The following CNTNAP2 variants were observed in gnomAD, a reference collection of about 807,000 sequenced individuals.
CNTNAP2 encodes contactin-associated protein-like 2.
In CNTNAP2, 98 loss-of-function variants were observed where a neutral mutation model predicts 155.2. The observed-to-expected ratio is 0.63, with a 90% CI of 0.54 to 0.75. The LOEUF (loss-of-function observed/expected upper bound fraction) is 0.75, where lower values mean the gene tolerates loss of function less well. Ranked by LOEUF, CNTNAP2 falls within the 30% of genes least tolerant of loss-of-function variation. The pLI is 0.00. For synonymous variants in CNTNAP2, 651 were observed against 631.2 expected (o/e 1.03, Z -0.47); for missense variants, 1,727 against 1,688.1 (o/e 1.02, Z -0.40).
intron 1 of CNTNAP2, among the ~76,000 whole-genome samples, chr7:146,755,812 A>G (rs1002383223): frequency 2.0e-5 from 3 of 151,998 alleles, no homozygotes; most frequent in Non-Finnish European, 4.4e-5. Context: ...ACACTGTACT[A>G]TAGATGTTCC....
intron 1 of CNTNAP2, among the ~76,000 whole-genome samples, chr7:146,674,778 G>T (rs1457795741): frequency 6.6e-6 from 1 of 152,136 alleles, no homozygotes; most frequent in Non-Finnish European, 1.5e-5. Flanking sequence ...GCCGGAGTAG[G>T]TTGTGGGAAA....
chr7:146,950,464 GC>G (rs1563017372), intron 3 of CNTNAP2, among the ~76,000 whole-genome samples: 1 of 151,834 alleles, frequency 6.6e-6, no homozygotes, highest in Non-Finnish European at 1.5e-5. Context: ...CCACCAACAG[GC>G]ACCGATGTGT....
intron 13 of CNTNAP2, among the ~76,000 whole-genome samples, chr7:147,891,240 T>A (rs1799688002): frequency 6.6e-6 from 1 of 151,742 alleles, no homozygotes; most frequent in African/African-American, 2.4e-5. Flanking sequence ...AGTCTCACTC[T>A]GTCGCCCAGG....
At chr7:148,287,943 C>T (rs1797113175) in intron 21 of CNTNAP2, among the ~76,000 whole-genome samples, 1 of 151,622 alleles carries the variant, frequency 6.6e-6, no homozygotes, top group Non-Finnish European at 1.5e-5. Context: ...AGGCACGTGC[C>T]ACCACGCCCA....
At chr7:146,342,845 C>A (rs1794752427) in intron 1 of CNTNAP2, among the ~76,000 whole-genome samples, 1 of 152,152 alleles carries the variant, frequency 6.6e-6, no homozygotes, top group Non-Finnish European at 1.5e-5. Flanking sequence ...GATATTATTT[C>A]TCTATTATTC....
At chr7:146,233,134 A>G (rs1034251103) in intron 1 of CNTNAP2, among the ~76,000 whole-genome samples, 2 of 152,128 alleles carry the variant, frequency 1.3e-5, no homozygotes, top group Non-Finnish European at 2.9e-5. Context: ...AGCACTAACT[A>G]GAAATGTATT....
At chr7:146,249,809 C>T (rs1439892612) in intron 1 of CNTNAP2, among the ~76,000 whole-genome samples, 4 of 151,516 alleles carry the variant, frequency 2.6e-5, no homozygotes, top group South Asian at 2.1e-4. Flanking sequence ...TTTCCTTGGC[C>T]GTTCATTAGA....
At chr7:147,167,686 G>A (rs760626469) in intron 8 of CNTNAP2, 12 of 330,708 alleles carry the variant, frequency 3.6e-5, no homozygotes, top group Non-Finnish European at 4.9e-5. Context: ...GCTAGGTGGG[G>A]CATGTGGTTC....
intron 1 of CNTNAP2, among the ~76,000 whole-genome samples, chr7:146,630,463 T>C (rs1194907862): frequency 6.6e-6 from 1 of 152,120 alleles, no homozygotes; most frequent in Non-Finnish European, 1.5e-5. Flanking sequence ...TGTGTCTTTA[T>C]AGTAGAATGA....
intron 5 of CNTNAP2, among the ~76,000 whole-genome samples, chr7:147,110,377 A>T (rs527742434): frequency 5.8e-4 from 84 of 144,442 alleles, no homozygotes; most frequent in South Asian, 3.9e-3. Flanking sequence ...TTTTTTTTTT[A>T]AATTTAAGTT....
In CNTNAP2 at chr7:146,806,993, C is replaced by T. The variant is rs76577340; in HGVS notation, c.208+32612C>T. ...AATGTTTGGAACAATGCTTGGCAAA[C>T]GAAAGCAACATAAGACTGCCCCTTA... On this transcript the variant is annotated intron_variant, in intron 2 of 23. Coordinates refer to ENST00000361727, the MANE Select transcript of CNTNAP2 (RefSeq NM_014141.6). Among the ~76,000 whole-genome samples, 158 of 152,090 alleles carry T rather than the reference C, an allele frequency of 1.0e-3. 1 individual carries two copies. Among genetic ancestry groups the T allele is most frequent in the East Asian group, 9.3e-3 (48 of 5,176 alleles).
intron 14 of CNTNAP2, among the ~76,000 whole-genome samples, chr7:147,974,456 C>A (rs1801391519): frequency 6.6e-6 from 1 of 152,024 alleles, no homozygotes; most frequent in Non-Finnish European, 1.5e-5. Flanking sequence ...AAAACCCTGT[C>A]TCTACTAAAA....
At chr7:147,199,904 A>C (rs1376882318) in intron 8 of CNTNAP2, among the ~76,000 whole-genome samples, 1 of 152,038 alleles carries the variant, frequency 6.6e-6, no homozygotes, top group Non-Finnish European at 1.5e-5. Flanking sequence ...TCTTATTTTT[A>C]ATTTGAAGGA....
chr7:146,530,518 T>C (rs1700545340), intron 1 of CNTNAP2, among the ~76,000 whole-genome samples: 1 of 152,122 alleles, frequency 6.6e-6, no homozygotes, highest in Non-Finnish European at 1.5e-5. Flanking sequence ...ATAAGGGGCT[T>C]AAACAAGTTT....
chr7:146,569,466 G>A (rs1272450850), intron 1 of CNTNAP2, among the ~76,000 whole-genome samples: 1 of 152,186 alleles, frequency 6.6e-6, no homozygotes, highest in Non-Finnish European at 1.5e-5. Flanking sequence ...AGAAGGACTA[G>A]CTCCTGATAT....
chr7:147,338,348 C>G (rs1450059847), intron 9 of CNTNAP2, among the ~76,000 whole-genome samples: 3 of 56,896 alleles, frequency 5.3e-5, no homozygotes, highest in African/African-American at 1.5e-4. Flanking sequence ...ATTTCTTTTC[C>G]TCATGTAAAA....
rs188106106 is a variant in CNTNAP2 at position 147,953,370 on chromosome 7, G to A, written c.2256-24492G>A. Among the ~76,000 whole-genome samples, 17 of 152,208 alleles carry A rather than the reference G, an allele frequency of 1.1e-4. 1 individual carries two copies. In the South Asian group the frequency reaches 3.1e-3, roughly 28 times the overall value. On this transcript the variant is annotated intron_variant, in intron 14 of 23. Coordinates refer to ENST00000361727, the MANE Select transcript of CNTNAP2 (RefSeq NM_014141.6). The stretch of plus-strand genomic sequence containing the variant: ...TTACATGAGTGGGACAAAAATATCA[G>A]CATCCAGGTAGCCACAGATGCTCTT...
At chr7:146,405,894 C>A (rs1795784137) in intron 1 of CNTNAP2, among the ~76,000 whole-genome samples, 1 of 152,186 alleles carries the variant, frequency 6.6e-6, no homozygotes, top group South Asian at 2.1e-4. Context: ...AAATAACCTT[C>A]TTTTGTCACG....
chr7:147,671,185 G>C (rs1354656636), intron 13 of CNTNAP2, among the ~76,000 whole-genome samples: 4 of 152,186 alleles, frequency 2.6e-5, no homozygotes, highest in Non-Finnish European at 5.9e-5. Context: ...TTCTCACCTC[G>C]TTCATTTCAT....
Sources: allele counts gnomAD v4.1 joint callset (sites outside exome capture counted in the v4.1 genomes callset), GRCh38; gene constraint gnomAD v4.1.1; transcripts MANE v1.5; gene names NCBI Gene and HGNC (gene_info 2026-07-23, HGNC 2026-07-21).